The following IBA57 variants were observed in gnomAD, a reference collection of about 807,000 sequenced individuals.
The protein encoded by IBA57 is iron-sulfur cluster assembly factor IBA57.
A neutral mutation model predicts 20.4 loss-of-function variants in IBA57; 20 were observed. The observed-to-expected ratio is 0.98, with a 90% CI of 0.69 to 1.42. The LOEUF (loss-of-function observed/expected upper bound fraction) is 1.42, where lower values mean the gene tolerates loss of function less well. Among genes scored for constraint, IBA57 ranks in the 40% most tolerant of loss-of-function variants. The pLI is 0.00. For missense variants in IBA57, 608 were observed against 499.3 expected, an observed-to-expected ratio of 1.22 and a Z score of -2.07; for synonymous variants, 310 against 233.9, an observed-to-expected ratio of 1.33 and a Z score of -2.97.
In IBA57 at chr1:228,177,141, TGTGTCACCAAGAGCTG is replaced by T. The variant is rs2035038958; in HGVS notation, c.*1634_*1649del. On this transcript the variant is annotated 3_prime_UTR_variant, in exon 3 of 3. Transcript: ENST00000366711. ...CAGCCAGGAGTGGGTGCCTGTGGCCTGTGTCACCAAGAGCTGGTGTCTCCTGCATGAGGGGCATGCA... is the reference window on the plus strand; with the variant it reads ...CAGCCAGGAGTGGGTGCCTGTGGCCTGTGTCTCCTGCATGAGGGGCATGCA... The T allele has an allele frequency of 6.6e-6, 1 of 152,322 alleles. No individual in the cohort carries two copies. Among genetic ancestry groups the T allele is most frequent in the Non-Finnish European group, 1.5e-5 (1 of 68,106 alleles). 9.4% of individuals were successfully genotyped at this position (152,322 alleles called of 1,614,324 possible). A position where few individuals can be genotyped will look rare whatever the true frequency, so the allele number is the denominator to read the frequency against.
At chr1:228,169,032 A>T (rs913856986) in intron 1 of IBA57, among the ~76,000 whole-genome samples, 1 of 152,044 alleles carries the variant, frequency 6.6e-6, no homozygotes, top group Non-Finnish European at 1.5e-5. Context: ...GCTATGTGGC[A>T]TGGGTGGGCT....
chr1:228,173,770 C>T (rs2124975712), intron 1 of IBA57, among the ~76,000 whole-genome samples: 1 of 152,358 alleles, frequency 6.6e-6, no homozygotes, highest in African/African-American at 2.4e-5. Context: ...CCTGCTCCCA[C>T]ATCCAGCGGA....
Position 228,172,197 on chromosome 1 carries a change from A to G in IBA57, c.342-2495A>G, listed in dbSNP as rs529779075. 136 of 151,320 alleles carry G rather than the reference A, an allele frequency of 9.0e-4. 1 individual carries two copies. Among genetic ancestry groups the G allele is most frequent in the African/African-American group, 3.1e-3 (127 of 41,200 alleles). The allele number at this position is 151,320 out of a possible 1,614,324, so 9.4% of individuals were successfully genotyped here. ...GGAGAGATCGCACGGACCCCTCCCC[A>G]GTTCCCCTGATTGCACACACAGGGC... On this transcript the variant is annotated intron_variant, in intron 1 of 2. Coordinates refer to ENST00000366711, the MANE Select transcript of IBA57 (RefSeq NM_001010867.4).
chr1:228,165,825 C>G lies in IBA57; in HGVS notation c.9C>G (p.Thr3=). Residue 3 remains threonine, a synonymous_variant, in exon 1 of 3, where the codon ACC becomes ACG. Coordinates refer to ENST00000366711, the MANE Select transcript of IBA57 (RefSeq NM_001010867.4). MA[T]AALLRGATPG... Reference sequence around the variant, plus strand: ...CCCCACTCTTGTCCAAGATGGCGACCGCGGCGCTGCTTCGAGGCGCCACTC... The same window carrying G: ...CCCCACTCTTGTCCAAGATGGCGACGGCGGCGCTGCTTCGAGGCGCCACTC... 2.3e-6 allele frequency: 3 copies of G among 1,301,080 alleles called. No homozygotes were observed. Among genetic ancestry groups the G allele is most frequent in the South Asian group, 2.4e-5 (1 of 41,878 alleles). 80.6% of individuals were successfully genotyped at this position (1,301,080 alleles called of 1,614,324 possible).
At chr1:228,167,379 G>A (rs2034868021) in intron 1 of IBA57, among the ~76,000 whole-genome samples, 1 of 146,676 alleles carries the variant, frequency 6.8e-6, no homozygotes, top group African/African-American at 2.6e-5. Context: ...TTTTTGAGAC[G>A]GAGTTTTGCT....
intron 1 of IBA57, among the ~76,000 whole-genome samples, chr1:228,167,294 G>C (rs925813660): frequency 6.6e-6 from 1 of 151,808 alleles, no homozygotes. Context: ...GCCCATTGCC[G>C]GTGTTTATAA....
At chr1:228,175,063 C>A in intron 2 of IBA57, 34 bp downstream of exon 2, 2 of 1,572,884 alleles carry the variant, frequency 1.3e-6, no homozygotes, top group Non-Finnish European at 1.7e-6. Flanking sequence ...GGCTGGATTG[C>A]ACGGGTGGAG....
chr1:228,168,907 G>A (rs2034888570), intron 1 of IBA57, among the ~76,000 whole-genome samples: 1 of 152,134 alleles, frequency 6.6e-6, no homozygotes, highest in South Asian at 2.1e-4. Flanking sequence ...CAGTTCTGTT[G>A]GAGTTCATGG....
rs759870704 is a variant in IBA57 at position 228,174,896 on chromosome 1, C to A, written c.546C>A (p.Ala182=). Residue 182 remains alanine (A), a synonymous_variant, in exon 2 of 3, where the codon GCC becomes GCA. Coordinates refer to ENST00000366711, the MANE Select transcript of IBA57 (RefSeq NM_001010867.4). The stretch of plus-strand genomic sequence containing the variant: ...CGCTGCAGGAGAGGGCAGGGGCTGC[C>A]GCCATCCTCATCCGCGACCCGCGAA... ...AASLQERAGA[A]AILIRDPRTA... 1 of 1,604,078 alleles carries A rather than the reference C, an allele frequency of 6.2e-7. No homozygotes were observed. The highest frequency in any genetic ancestry group is 1.7e-5 in the Admixed American group (1 of 59,574).
intron 1 of IBA57, among the ~76,000 whole-genome samples, chr1:228,168,018 A>G (rs1399069164): frequency 6.6e-6 from 1 of 152,230 alleles, no homozygotes; most frequent in Non-Finnish European, 1.5e-5. Flanking sequence ...GTTCAATTGA[A>G]TTCCTATTCT....
intron 1 of IBA57, among the ~76,000 whole-genome samples, chr1:228,166,830 TCTGGTTCGCGG>T: frequency 6.6e-6 from 1 of 152,258 alleles, no homozygotes; most frequent in East Asian, 1.9e-4. Flanking sequence ...GTGGAGTGGA[TCTGGTTCGCGG>T]CCGCCTGCCT....
chr1:228,166,200 G>C, intron 1 of IBA57, 43 bp downstream of exon 1: 1 of 1,369,614 alleles, frequency 7.3e-7, no homozygotes, highest in Non-Finnish European at 9.5e-7. Flanking sequence ...GGCACCCAGG[G>C]GAGTGGCCAG....
chr1:228,175,307 C>T lies in IBA57; in HGVS notation c.865C>T (p.Pro289Ser). The T allele has an allele frequency of 6.2e-7, 1 of 1,612,940 alleles. No individual in the cohort carries two copies. The highest frequency in any genetic ancestry group is 1.3e-5 in the African/African-American group (1 of 75,042). ...CCCTGTCCGGTTCTTGGACCCCCTT[C>T]CCACCAGTGGCATCACCCCTGGTGC... ...LFPVRFLDPL[P>S]TSGITPGATV... Residue 289 changes from proline to serine, a missense_variant, in exon 3 of 3, where the codon CCC (proline) becomes TCC (serine). Transcript: ENST00000366711.
intron 1 of IBA57, among the ~76,000 whole-genome samples, chr1:228,168,985 G>T (rs1274214381): frequency 1.3e-5 from 2 of 152,188 alleles, no homozygotes; most frequent in African/African-American, 4.8e-5. Context: ...CTCCCCAGGG[G>T]TGGTGGGTGA....
chr1:228,175,189 C>G lies in IBA57; in HGVS notation c.747C>G (p.Phe249Leu). ...VALPLESNLAFMNGVSFTKGC... is the reference protein window; with the variant it reads ...VALPLESNLALMNGVSFTKGC... ...TGCCCCTGGAGTCCAACCTGGCCTTCATGAACGGCGTGAGCTTCACCAAAG... is the reference window on the plus strand; with the variant it reads ...TGCCCCTGGAGTCCAACCTGGCCTTGATGAACGGCGTGAGCTTCACCAAAG... The change falls in exon 3 of 3, where the codon TTC (phenylalanine) becomes TTG (leucine). Residue 249 changes from phenylalanine to leucine, a missense_variant. Coordinates refer to ENST00000366711, the MANE Select transcript of IBA57 (RefSeq NM_001010867.4). 2 of 1,612,916 alleles carry G rather than the reference C, an allele frequency of 1.2e-6. No homozygotes were observed. The highest frequency in any genetic ancestry group is 8.5e-7 in the Non-Finnish European group (1 of 1,179,952).
chr1:228,181,227 TC>T lies in IBA57; in HGVS notation c.*5716del, dbSNP rs1334699543. The stretch of plus-strand genomic sequence containing the variant: ...AGGTGGAATTCCCAAGTCGGCCAGT[TC>T]CTGGATCTTGGACTGTCCGGTCTCC... On this transcript the variant is annotated 3_prime_UTR_variant, in exon 3 of 3. Transcript: ENST00000366711. 2 of 152,234 alleles carry T rather than the reference TC, an allele frequency of 1.3e-5. No individual in the cohort carries two copies. The highest frequency in any genetic ancestry group is 2.9e-5 in the Non-Finnish European group (2 of 68,076). 9.4% of individuals were successfully genotyped at this position (152,234 alleles called of 1,614,324 possible).
rs1208779885 is a variant in IBA57, at chr1:228,174,608, C to T, written c.342-84C>T. The T allele has an allele frequency of 4.6e-6, 6 of 1,305,126 alleles. No individual in the cohort carries two copies. The South Asian group carries it at 6.2e-5, about 13-fold the overall frequency. The allele number at this position is 1,305,126 out of a possible 1,614,324, so 80.8% of individuals were successfully genotyped here. A position where few individuals can be genotyped will look rare whatever the true frequency, so the allele number is the denominator to read the frequency against. ...TTGGTCCACGGTGTGCTCCTCTGCCCGGGTAAGGCGCGCTCCCTCATGCAG... is the reference window on the plus strand; with the variant it reads ...TTGGTCCACGGTGTGCTCCTCTGCCTGGGTAAGGCGCGCTCCCTCATGCAG... On this transcript the variant is annotated intron_variant, in intron 1 of 2. Transcript: ENST00000366711.
chr1:228,174,184 C>T (rs1174156414), intron 1 of IBA57, among the ~76,000 whole-genome samples: 3 of 80,140 alleles, frequency 3.7e-5, no homozygotes, highest in East Asian at 8.6e-4. Flanking sequence ...TCGCTGTGGG[C>T]GTGGCTCGCT....
intron 1 of IBA57, chr1:228,173,136 C>G (rs1322320681): frequency 1.3e-5 from 2 of 152,578 alleles, no homozygotes; most frequent in Non-Finnish European, 2.9e-5. Context: ...TGGGCATGAC[C>G]ACAGGGTAGA....
Sources: allele counts gnomAD v4.1 joint callset (sites outside exome capture counted in the v4.1 genomes callset), GRCh38; gene constraint gnomAD v4.1.1; transcripts MANE v1.5; gene names NCBI Gene and HGNC (gene_info 2026-07-23, HGNC 2026-07-21).